PPP1R16B: variants seen among roughly 807,000 people sequenced by gnomAD.
The protein encoded by PPP1R16B is protein phosphatase 1 regulatory inhibitor subunit 16B.
A neutral mutation model predicts 61.7 loss-of-function variants in PPP1R16B; 14 were observed. The observed-to-expected ratio is 0.23, with a 90% CI of 0.15 to 0.35. PPP1R16B has a LOEUF of 0.35. Ranked by LOEUF, PPP1R16B falls within the 10% of genes least tolerant of loss-of-function variation. The probability of loss-of-function intolerance (pLI) is 1.00; values close to 1 mark genes in which losing one functional copy is unlikely to be tolerated. For synonymous variants in PPP1R16B, 266 were observed against 305.3 expected (o/e 0.87, Z 1.34); for missense variants, 547 against 752.5 (o/e 0.73, Z 3.19).
Position 38,836,072 on chromosome 20 carries a change from A to G in PPP1R16B, c.147A>G (p.Arg49=). 1.2e-6 allele frequency: 2 copies of G among 1,611,822 alleles called. No homozygotes were observed. The highest frequency in any genetic ancestry group is 1.7e-6 in the Non-Finnish European group (2 of 1,179,582). ...QYEQDLQHRK[R]KHERKRSTGG... ...AGCAGGACTTGCAGCACCGCAAGCG[A>G]AAGCATGAGCGGAAGCGCAGCACGG... The change falls in exon 2 of 11, where the codon CGA becomes CGG. Residue 49 remains arginine (R), a synonymous_variant. Coordinates refer to ENST00000299824, the MANE Select transcript of PPP1R16B (RefSeq NM_015568.4).
intron 2 of PPP1R16B, among the ~76,000 whole-genome samples, chr20:38,843,352 G>C (rs186546622): frequency 1.3e-5 from 2 of 152,358 alleles, no homozygotes; most frequent in African/African-American, 4.8e-5. Context: ...CAGCTGGGTG[G>C]TTCTCGTTCA....
chr20:38,907,388 C>T lies in PPP1R16B; in HGVS notation c.898+334C>T, dbSNP rs2085452939. 6.6e-6 allele frequency among the ~76,000 whole-genome samples: 1 copy of T among 151,924 alleles called. No individual in the cohort carries two copies. The highest frequency in any genetic ancestry group is 1.5e-5 in the Non-Finnish European group (1 of 67,968). ...GTGGATGAGTGGGTAAAGGATGAAT[C>T]TATGAATACATGGCTCAGTCAGCAA... On this transcript the variant is annotated intron_variant, in intron 8 of 10. Transcript: ENST00000299824. The surrounding 1 kb of genome is among the most constrained non-coding windows in gnomAD (Gnocchi z 4.5).
At chr20:38,897,001 C>G (rs903353554) in intron 4 of PPP1R16B, among the ~76,000 whole-genome samples, 14 of 152,148 alleles carry the variant, frequency 9.2e-5, no homozygotes, top group African/African-American at 3.4e-4. Context: ...ACAAAATTAG[C>G]CGGGCATGGT....
intron 2 of PPP1R16B, among the ~76,000 whole-genome samples, chr20:38,882,285 G>A (rs1480894301): frequency 1.3e-5 from 2 of 152,172 alleles, no homozygotes; most frequent in Non-Finnish European, 1.5e-5. Flanking sequence ...AAGGACTGCT[G>A]TGGTCAGCCT....
intron 1 of PPP1R16B, among the ~76,000 whole-genome samples, chr20:38,820,322 G>A (rs989866156): frequency 6.6e-6 from 1 of 152,202 alleles, no homozygotes; most frequent in Non-Finnish European, 1.5e-5. Flanking sequence ...ACTTTGGGAG[G>A]CCGAGGCGAG....
intron 10 of PPP1R16B, among the ~76,000 whole-genome samples, chr20:38,914,580 G>A (rs1055407392): frequency 6.6e-5 from 10 of 152,148 alleles, no homozygotes; most frequent in East Asian, 3.8e-4. Flanking sequence ...AACCTCTTTC[G>A]TCTAACCCAC....
At chr20:38,861,681 T>TC (rs1187246410) in intron 2 of PPP1R16B, among the ~76,000 whole-genome samples, 1 of 148,644 alleles carries the variant, frequency 6.7e-6, no homozygotes, top group Non-Finnish European at 1.5e-5. Context: ...TTCTTTTTTT[T>TC]TTTTTTTTTT....
intron 2 of PPP1R16B, among the ~76,000 whole-genome samples, chr20:38,862,754 TG>T (rs1413166145): frequency 6.6e-6 from 1 of 151,892 alleles, no homozygotes; most frequent in Non-Finnish European, 1.5e-5. Context: ...TGCCCTAGGG[TG>T]GGGAGTGCAA....
rs781769947 is a variant in PPP1R16B at position 38,907,780 on chromosome 20, C to A, written c.899-26C>A. The stretch of plus-strand genomic sequence containing the variant: ...CGCCACAGGTCCTGGCCCCGTCCCC[C>A]ACAACAGACTCCTCTGCCCCTTCAG... On this transcript the variant is annotated intron_variant, in intron 8 of 10. Coordinates refer to ENST00000299824, the MANE Select transcript of PPP1R16B (RefSeq NM_015568.4). The surrounding 1 kb of genome is among the most constrained non-coding windows in gnomAD (Gnocchi z 4.5). 3.1e-6 allele frequency: 5 copies of A among 1,613,318 alleles called. No individual in the cohort carries two copies. The highest frequency in any genetic ancestry group is 4.5e-5 in the East Asian group (2 of 44,892).
intron 2 of PPP1R16B, among the ~76,000 whole-genome samples, chr20:38,886,467 T>C (rs556251314): frequency 1.4e-4 from 21 of 152,320 alleles, no homozygotes; most frequent in African/African-American, 4.8e-4. Context: ...CCCATGGGAT[T>C]TGAACCCCTA....
intron 2 of PPP1R16B, among the ~76,000 whole-genome samples, chr20:38,884,718 G>C (rs1427586752): frequency 1.3e-5 from 2 of 152,128 alleles, no homozygotes; most frequent in Admixed American, 1.3e-4. Context: ...TGGGAGGATT[G>C]CTTGAGTGCA....
chr20:38,815,125 A>G (rs534339797), intron 1 of PPP1R16B, among the ~76,000 whole-genome samples: 1 of 152,320 alleles, frequency 6.6e-6, no homozygotes, highest in East Asian at 1.9e-4. Context: ...ATATAAGTGT[A>G]TCATAAGTAA....
At chr20:38,817,565 C>CAA (rs773898309) in intron 1 of PPP1R16B, among the ~76,000 whole-genome samples, 10 of 50,634 alleles carry the variant, frequency 2.0e-4, no homozygotes, top group Admixed American at 4.1e-4. Flanking sequence ...AACTCCATCT[C>CAA]AAAAAAAAAA....
intron 1 of PPP1R16B, among the ~76,000 whole-genome samples, chr20:38,818,358 G>A (rs2084752565): frequency 6.6e-6 from 1 of 152,168 alleles, no homozygotes; most frequent in Admixed American, 6.5e-5. Flanking sequence ...CGGTGCAGCT[G>A]GAAAATTGGG....
At chr20:38,912,185 C>T (rs933509894) in intron 10 of PPP1R16B, among the ~76,000 whole-genome samples, 15 of 150,850 alleles carry the variant, frequency 9.9e-5, no homozygotes, top group African/African-American at 3.2e-4. Flanking sequence ...CTGCAATCTC[C>T]GCCTCCCGGG....
intron 1 of PPP1R16B, among the ~76,000 whole-genome samples, chr20:38,835,478 A>C (rs1420714203): frequency 1.3e-5 from 2 of 152,266 alleles, no homozygotes; most frequent in Non-Finnish European, 2.9e-5. Flanking sequence ...TATCCAATAG[A>C]GCTTTCTGCA....
chr20:38,823,108 A>G (rs1450683163), intron 1 of PPP1R16B, among the ~76,000 whole-genome samples: 1 of 152,188 alleles, frequency 6.6e-6, no homozygotes, highest in Non-Finnish European at 1.5e-5. Context: ...GGAGGAACAG[A>G]AGTAATGCTC....
At chr20:38,819,716 G>A (rs995409409) in intron 1 of PPP1R16B, among the ~76,000 whole-genome samples, 2 of 151,930 alleles carry the variant, frequency 1.3e-5, no homozygotes, top group Non-Finnish European at 2.9e-5. Context: ...TTTTAAAAAC[G>A]TCAATTTCTG....
At chr20:38,883,278 C>A (rs933840396) in intron 2 of PPP1R16B, among the ~76,000 whole-genome samples, 1 of 152,242 alleles carries the variant, frequency 6.6e-6, no homozygotes, top group Non-Finnish European at 1.5e-5. Flanking sequence ...CCTATGGTCG[C>A]ATGTTGCTAA....
Sources: allele counts gnomAD v4.1 joint callset (sites outside exome capture counted in the v4.1 genomes callset), GRCh38; gene constraint gnomAD v4.1.1; non-coding constraint Gnocchi (gnomAD v3.1); transcripts MANE v1.5; gene names NCBI Gene and HGNC (gene_info 2026-07-23, HGNC 2026-07-21).